ERGIC2: variants seen among roughly 807,000 people sequenced by gnomAD.
ERGIC2 encodes endoplasmic reticulum-Golgi intermediate compartment protein 2.
Under a neutral mutation model 52.5 loss-of-function variants are expected in ERGIC2, and 31 were observed. That is an observed-to-expected ratio of 0.59 (90% confidence interval 0.44 to 0.80). ERGIC2 has a LOEUF of 0.80. Ranked by LOEUF, ERGIC2 falls within the 30% of genes least tolerant of loss-of-function variation. The pLI, the probability that ERGIC2 is intolerant of heterozygous loss-of-function variation, is 0.00. For missense variants in ERGIC2, 395 were observed against 455.2 expected, an observed-to-expected ratio of 0.87 and a Z score of 1.20; for synonymous variants, 129 against 140.6, an observed-to-expected ratio of 0.92 and a Z score of 0.58.
intron 8 of ERGIC2, among the ~76,000 whole-genome samples, chr12:29,354,206 T>C (rs1398551232): frequency 6.6e-6 from 1 of 152,218 alleles, no homozygotes; most frequent in Non-Finnish European, 1.5e-5. Context: ...AGTCTAGAAC[T>C]GAACCCCATT....
intron 8 of ERGIC2, among the ~76,000 whole-genome samples, chr12:29,356,104 C>A (rs1040323850): frequency 6.6e-5 from 10 of 152,050 alleles, no homozygotes; most frequent in African/African-American, 1.7e-4. Flanking sequence ...TCACTACAAC[C>A]TCCGCCTCCT....
intron 6 of ERGIC2, among the ~76,000 whole-genome samples, chr12:29,361,023 G>T (rs1323102337): frequency 3.3e-5 from 5 of 152,198 alleles, no homozygotes; most frequent in African/African-American, 1.2e-4. Context: ...AACATGGGCG[G>T]ATCACTTCAG....
chr12:29,360,969 G>A (rs752280563), intron 6 of ERGIC2, among the ~76,000 whole-genome samples: 2 of 151,998 alleles, frequency 1.3e-5, no homozygotes, highest in Non-Finnish European at 2.9e-5. Flanking sequence ...ATTTGTGGCC[G>A]GGCACAGTGG....
chr12:29,361,150 G>T (rs1406522046), intron 6 of ERGIC2, among the ~76,000 whole-genome samples: 1 of 152,136 alleles, frequency 6.6e-6, no homozygotes, highest in African/African-American at 2.4e-5. Context: ...TACTCAGGAG[G>T]CTGAGGCAGG....
intron 1 of ERGIC2, among the ~76,000 whole-genome samples, chr12:29,378,534 T>C (rs1390955634): frequency 4.6e-5 from 7 of 152,030 alleles, no homozygotes; most frequent in Non-Finnish European, 1.0e-4. Flanking sequence ...TGCATTAGAA[T>C]ACTTTACAAT....
chr12:29,344,654 T>C (rs1940019952), intron 11 of ERGIC2, among the ~76,000 whole-genome samples: 1 of 151,524 alleles, frequency 6.6e-6, no homozygotes, highest in Non-Finnish European at 1.5e-5. Flanking sequence ...CTCCAATACC[T>C]AATCTCATAA....
chr12:29,377,300 A>G (rs1437860035), intron 1 of ERGIC2, among the ~76,000 whole-genome samples: 1 of 152,204 alleles, frequency 6.6e-6, no homozygotes, highest in East Asian at 1.9e-4. Context: ...GCTGGAGCTA[A>G]GACAAGACAG....
chr12:29,380,212 C>A (rs988541633), intron 1 of ERGIC2, among the ~76,000 whole-genome samples: 1 of 152,070 alleles, frequency 6.6e-6, no homozygotes, highest in Non-Finnish European at 1.5e-5. Context: ...GGTAAATAAC[C>A]ATGTCTTTTT....
intron 10 of ERGIC2, among the ~76,000 whole-genome samples, chr12:29,346,378 C>G (rs1940052129): frequency 6.6e-6 from 1 of 151,626 alleles, no homozygotes; most frequent in South Asian, 2.1e-4. Flanking sequence ...TTAGTAGAGA[C>G]AGGGTTTTGC....
intron 5 of ERGIC2, 100 bp from the exon 6 acceptor site, chr12:29,361,785 G>A (rs1407418937): frequency 1.2e-5 from 10 of 864,496 alleles, no homozygotes; most frequent in South Asian, 9.7e-5. Context: ...ATAAACTTAA[G>A]TGTTGTTAAA....
intron 3 of ERGIC2, 29 bp downstream of exon 3, chr12:29,370,085 G>T (rs770094842): frequency 6.4e-5 from 94 of 1,473,692 alleles, no homozygotes; most frequent in Middle Eastern, 2.2e-4. Flanking sequence ...TGAATCTAAA[G>T]GTATTCCAAG....
In ERGIC2 at chr12:29,340,337, T is replaced by C. The variant is rs565930454; in HGVS notation, c.*819A>G. 6.6e-6 allele frequency: 1 copy of C among 152,388 alleles called. No individual in the cohort carries two copies. Among genetic ancestry groups the C allele is most frequent in the East Asian group, 1.9e-4 (1 of 5,196 alleles). The allele number at this position is 152,388 out of a possible 1,614,324, so 9.4% of individuals were successfully genotyped here. A position where few individuals can be genotyped will look rare whatever the true frequency, so the allele number is the denominator to read the frequency against. On this transcript the variant is annotated 3_prime_UTR_variant, in exon 14 of 14. Transcript: ENST00000360150. ...TAGCGGATCTTTTTATAACTCACCC[T>C]ATGTTGCCCAAAATACACCAATAAT...
chr12:29,343,309 G>A (rs755531535), intron 11 of ERGIC2, 27 bp from the exon 12 acceptor site: 1 of 1,544,324 alleles, frequency 6.5e-7, no homozygotes, highest in Admixed American at 1.9e-5. Flanking sequence ...AGGAAGGGGA[G>A]AAATAGGAGG....
chr12:29,349,263 A>C (rs1179388616), intron 9 of ERGIC2, 86 bp from the exon 10 acceptor site: 3 of 519,542 alleles, frequency 5.8e-6, no homozygotes, highest in Non-Finnish European at 1.0e-5. Flanking sequence ...ATCCTTATCT[A>C]TTCTCAAATG....
chr12:29,369,185 A>T (rs1940405329), intron 3 of ERGIC2, among the ~76,000 whole-genome samples: 1 of 151,998 alleles, frequency 6.6e-6, no homozygotes, highest in African/African-American at 2.4e-5. Context: ...GAGTAGGCCA[A>T]GTAGACAAAC....
chr12:29,373,438 GGA>G (rs1241640781), intron 1 of ERGIC2, among the ~76,000 whole-genome samples: 1 of 152,136 alleles, frequency 6.6e-6, no homozygotes, highest in Non-Finnish European at 1.5e-5. Flanking sequence ...TAATGTCTCT[GGA>G]AGAGAGCAGA....
chr12:29,375,171 C>G (rs1420104123), intron 1 of ERGIC2, among the ~76,000 whole-genome samples: 1 of 152,174 alleles, frequency 6.6e-6, no homozygotes, highest in East Asian at 1.9e-4. Flanking sequence ...CTACTCATCT[C>G]TACCTTGAGC....
In ERGIC2 at chr12:29,345,552, A is replaced by G; in HGVS notation, c.728-12T>C. ...GAACATCTGGTTGTCTAGAATACAA[A>G]AAAAACTTTTTATCAATTCAGTAGC... On this transcript the variant is annotated splice_polypyrimidine_tract_variant and intron_variant, in intron 10 of 13. Transcript: ENST00000360150. 2 of 1,461,922 alleles carry G rather than the reference A, an allele frequency of 1.4e-6. No individual in the cohort carries two copies. The highest frequency in any genetic ancestry group is 9.5e-7 in the Non-Finnish European group (1 of 1,048,098). The allele number at this position is 1,461,922 out of a possible 1,614,324, so 90.6% of individuals were successfully genotyped here.
chr12:29,354,676 C>CT, intron 8 of ERGIC2, among the ~76,000 whole-genome samples: 1 of 152,218 alleles, frequency 6.6e-6, no homozygotes, highest in East Asian at 1.9e-4. Flanking sequence ...GAACCAAATG[C>CT]TTTTCTATTT....
Sources: allele counts gnomAD v4.1 joint callset (sites outside exome capture counted in the v4.1 genomes callset), GRCh38; gene constraint gnomAD v4.1.1; transcripts MANE v1.5; gene names NCBI Gene and HGNC (gene_info 2026-07-23, HGNC 2026-07-21).